Variants in AGBL4 observed in about 807,000 individuals in gnomAD.
AGBL4 encodes cytosolic carboxypeptidase 6.
AGBL4 carries 58 observed loss-of-function variants against 66.4 expected under a neutral mutation model. That is an observed-to-expected ratio of 0.87 (90% CI 0.71 to 1.09). AGBL4 has a LOEUF of 1.09. Ranked by LOEUF, AGBL4 falls within the 50% of genes least tolerant of loss-of-function variation. AGBL4 has a pLI of 0.00. For missense variants in AGBL4, 579 were observed against 631.0 expected (o/e 0.92, Z 0.88); for synonymous variants, 234 against 222.9 (o/e 1.05, Z -0.44).
chr1:48,815,490 T>C (rs1183492350), intron 6 of AGBL4, among the ~76,000 whole-genome samples: 2 of 152,152 alleles, frequency 1.3e-5, no homozygotes, highest in Non-Finnish European at 2.9e-5. Flanking sequence ...GAATCTGTGC[T>C]TAGTTAACCA....
At chr1:48,892,302 C>T (rs1321812442) in intron 5 of AGBL4, among the ~76,000 whole-genome samples, 4 of 152,158 alleles carry the variant, frequency 2.6e-5, no homozygotes, top group African/African-American at 7.2e-5. Context: ...AGGGCCAACC[C>T]GAATCCAGTG....
intron 3 of AGBL4, among the ~76,000 whole-genome samples, chr1:49,583,010 G>A (rs762749606): frequency 1.3e-5 from 2 of 152,172 alleles, no homozygotes; most frequent in Non-Finnish European, 1.5e-5. Flanking sequence ...TCCTGGTGCA[G>A]AGTTCCTAAA....
At chr1:48,639,976 C>G (rs889555347) in intron 8 of AGBL4, among the ~76,000 whole-genome samples, 3 of 152,204 alleles carry the variant, frequency 2.0e-5, no homozygotes, top group Non-Finnish European at 4.4e-5. Context: ...ATGCCAGGCT[C>G]TCACTCCTAT....
intron 1 of AGBL4, among the ~76,000 whole-genome samples, chr1:50,012,301 G>T (rs940107334): frequency 1.1e-4 from 16 of 151,808 alleles, no homozygotes; most frequent in African/African-American, 3.6e-4. Flanking sequence ...CCAATAGGGT[G>T]ACTATAGTCA....
chr1:49,812,790 A>C (rs537960941), intron 2 of AGBL4, among the ~76,000 whole-genome samples: 2 of 152,280 alleles, frequency 1.3e-5, no homozygotes, highest in South Asian at 4.1e-4. Flanking sequence ...TTTACTGCAG[A>C]ACTACTATGT....
intron 2 of AGBL4, among the ~76,000 whole-genome samples, chr1:49,714,956 A>G (rs1647979176): frequency 6.6e-6 from 1 of 151,602 alleles, no homozygotes; most frequent in Non-Finnish European, 1.5e-5. Context: ...TTGACTTTTT[A>G]TTTAATTTTT....
intron 3 of AGBL4, among the ~76,000 whole-genome samples, chr1:49,357,751 C>T (rs1485810478): frequency 6.6e-6 from 1 of 152,180 alleles, no homozygotes; most frequent in African/African-American, 2.4e-5. Flanking sequence ...GAAATAACTT[C>T]TTTAGAGTAT....
At chr1:49,781,761 AT>A (rs1032044040) in intron 2 of AGBL4, among the ~76,000 whole-genome samples, 1 of 152,144 alleles carries the variant, frequency 6.6e-6, no homozygotes, top group Admixed American at 6.6e-5. Flanking sequence ...GTATCAATAA[AT>A]TTTTGAAGTT....
At chr1:49,557,083 G>A (rs973544804) in intron 3 of AGBL4, among the ~76,000 whole-genome samples, 1 of 151,996 alleles carries the variant, frequency 6.6e-6, no homozygotes, top group Non-Finnish European at 1.5e-5. Context: ...TCCCACCCGA[G>A]CCTCTCCCTC....
chr1:49,853,826 A>G (rs1449217152), intron 1 of AGBL4, among the ~76,000 whole-genome samples: 1 of 152,114 alleles, frequency 6.6e-6, no homozygotes, highest in East Asian at 1.9e-4. Context: ...TTTTATACCA[A>G]CTGAAAATAT....
chr1:49,888,550 A>G (rs1036105447), intron 1 of AGBL4, among the ~76,000 whole-genome samples: 1 of 152,232 alleles, frequency 6.6e-6, no homozygotes. Context: ...ATTAATAAAT[A>G]AGAGTTAAAC....
chr1:49,874,298 T>C (rs1316801100), intron 1 of AGBL4, among the ~76,000 whole-genome samples: 6 of 151,984 alleles, frequency 3.9e-5, no homozygotes, highest in Admixed American at 3.9e-4. Context: ...ATTTCTAAGA[T>C]GAGATATAAA....
At chr1:49,159,152 T>C (rs1375054493) in intron 4 of AGBL4, among the ~76,000 whole-genome samples, 2 of 152,054 alleles carry the variant, frequency 1.3e-5, no homozygotes, top group Admixed American at 6.6e-5. Flanking sequence ...TGTTCCTTCA[T>C]AGCACCGATG....
intron 5 of AGBL4, among the ~76,000 whole-genome samples, chr1:49,001,555 C>A (rs1661395756): frequency 6.6e-6 from 1 of 152,150 alleles, no homozygotes; most frequent in African/African-American, 2.4e-5. Context: ...AAACTACACA[C>A]CAGCCCTCCT....
At chr1:49,487,062 A>T (rs1366593703) in intron 3 of AGBL4, among the ~76,000 whole-genome samples, 1 of 151,972 alleles carries the variant, frequency 6.6e-6, no homozygotes, top group East Asian at 1.9e-4. Flanking sequence ...AAAACAGAAA[A>T]ATAATTAAAT....
intron 1 of AGBL4, among the ~76,000 whole-genome samples, chr1:49,861,894 T>C (rs1646581761): frequency 6.6e-6 from 1 of 152,118 alleles, no homozygotes; most frequent in South Asian, 2.1e-4. Flanking sequence ...CTTTTGAATA[T>C]CTGAAAAGCC....
intron 3 of AGBL4, among the ~76,000 whole-genome samples, chr1:49,695,819 C>T (rs551388438): frequency 6.5e-4 from 99 of 152,144 alleles, no homozygotes; most frequent in African/African-American, 2.3e-3. Context: ...GTCTTGTGTC[C>T]ATGGTGTTGT....
intron 2 of AGBL4, among the ~76,000 whole-genome samples, chr1:49,711,125 A>C (rs1300506569): frequency 1.3e-5 from 2 of 152,122 alleles, no homozygotes; most frequent in Non-Finnish European, 2.9e-5. Flanking sequence ...TGAAGCAACT[A>C]GAAGTTTCAT....
At chr1:49,968,677 A>G (rs1657782475) in intron 1 of AGBL4, among the ~76,000 whole-genome samples, 1 of 152,216 alleles carries the variant, frequency 6.6e-6, no homozygotes. Context: ...TTGATTCTGA[A>G]TTCCTAGAAG....
Sources: allele counts gnomAD v4.1 joint callset (sites outside exome capture counted in the v4.1 genomes callset), GRCh38; gene constraint gnomAD v4.1.1; transcripts MANE v1.5; gene names NCBI Gene and HGNC (gene_info 2026-07-23, HGNC 2026-07-21).